Variants in ZNF814 observed in about 807,000 individuals in gnomAD.
The protein encoded by ZNF814 is zinc finger protein 814.
ZNF814 carries 5 observed loss-of-function variants against 7.5 expected under a neutral mutation model. The observed-to-expected ratio is 0.67, with a 90% CI of 0.35 to 1.40. The LOEUF (loss-of-function observed/expected upper bound fraction) is 1.40. ZNF814 is among the 40% of genes most tolerant of loss of function. ZNF814 has a pLI of 0.04. For synonymous variants in ZNF814, 315 were observed against 340.7 expected, an observed-to-expected ratio of 0.92 and a Z score of 0.83; for missense variants, 962 against 1,018.0, an observed-to-expected ratio of 0.94 and a Z score of 0.75.
At chr19:57,890,626 G>A (rs1282364707), upstream of ZNF814, among the ~76,000 whole-genome samples, 1 of 152,084 alleles carries the variant, frequency 6.6e-6, no homozygotes, top group Non-Finnish European at 1.5e-5. Context: ...CATCTGAGTG[G>A]TGCCATCAGA....
rs1025545673 is a variant in ZNF814, at chr19:57,872,215, C to A, written c.*607G>T. ...AATGACATTCAATCTAGGTAGGTGG[C>A]ACTCTCAAAGGGTTACATTGAAAAA... On this transcript the variant is annotated 3_prime_UTR_variant, in exon 3 of 3. Coordinates refer to ENST00000435989, the MANE Select transcript of ZNF814 (RefSeq NM_001144989.2). 6.6e-6 allele frequency among the ~76,000 whole-genome samples: 1 copy of A among 152,224 alleles called. No homozygotes were observed. The highest frequency in any genetic ancestry group is 2.4e-5 in the African/African-American group (1 of 41,454).
Position 57,871,735 on chromosome 19 carries a change from G to A in ZNF814, c.*1087C>T, listed in dbSNP as rs1349749875. On this transcript the variant is annotated 3_prime_UTR_variant, in exon 3 of 3. Coordinates refer to ENST00000435989, the MANE Select transcript of ZNF814 (RefSeq NM_001144989.2). Reference sequence around the variant, plus strand: ...CGTCCATGGCATGACTTATCAGACAGAAAAAAATGACAAAGGAAGAAGTGC... The same window carrying A: ...CGTCCATGGCATGACTTATCAGACAAAAAAAAATGACAAAGGAAGAAGTGC... 2 of 135,604 alleles carry A rather than the reference G, an allele frequency of 1.5e-5. No individual in the cohort carries two copies. The highest frequency in any genetic ancestry group is 5.6e-5 in the African/African-American group (2 of 35,874). 8.4% of individuals were successfully genotyped at this position (135,604 alleles called of 1,614,324 possible). A position where few individuals can be genotyped will look rare whatever the true frequency, so the allele number is the denominator to read the frequency against.
At chr19:57,900,066 T>C in the ZNF814 span, among the ~76,000 whole-genome samples, 1 of 152,000 alleles carries the variant, frequency 6.6e-6, no homozygotes, top group Non-Finnish European at 1.5e-5. Context: ...TATTGCCTTC[T>C]ATTACTCAAA....
Position 57,885,501 on chromosome 19 carries a change from G to T in ZNF814, c.36+3266C>A, listed in dbSNP as rs1483423200. On this transcript the variant is annotated intron_variant, in intron 1 of 2. Coordinates refer to ENST00000435989, the MANE Select transcript of ZNF814 (RefSeq NM_001144989.2). ...AAAAATTAGCCAGCCGCAATGGCAG[G>T]CACATGTAATCCCAGCTACTCCAGA... Among the ~76,000 whole-genome samples, 3 of 150,844 alleles carry T rather than the reference G, an allele frequency of 2.0e-5. No homozygotes were observed. The East Asian group carries it at 5.9e-4, about 30-fold the overall frequency.
the ZNF814 span, among the ~76,000 whole-genome samples, chr19:57,902,001 C>G: frequency 1.3e-5 from 2 of 152,114 alleles, no homozygotes; most frequent in Non-Finnish European, 1.5e-5. Context: ...ATATAAATAT[C>G]CTCCAATATG....
chr19:57,898,032 T>A, the ZNF814 span, among the ~76,000 whole-genome samples: 3 of 152,314 alleles, frequency 2.0e-5, 1 homozygote, highest in South Asian at 6.2e-4. Flanking sequence ...ATTTGTACAG[T>A]AACCATCCAA....
chr19:57,875,296 T>C (rs1313659671), intron 2 of ZNF814, 70 bp from the exon 3 acceptor site: 3 of 1,600,358 alleles, frequency 1.9e-6, no homozygotes, highest in Admixed American at 1.7e-5. Context: ...CCCACAAGTG[T>C]ATCTGAAAAA....
At chr19:57,878,408 G>C (rs935503859) in intron 1 of ZNF814, among the ~76,000 whole-genome samples, 3 of 151,524 alleles carry the variant, frequency 2.0e-5, no homozygotes, top group Non-Finnish European at 4.4e-5. Flanking sequence ...ACTATAACAG[G>C]AACTCTGCCT....
chr19:57,885,089 A>C lies in ZNF814; in HGVS notation c.36+3678T>G, dbSNP rs371336668. 2.0e-5 allele frequency among the ~76,000 whole-genome samples: 3 copies of C among 152,268 alleles called. No homozygotes were observed. In the South Asian group the frequency reaches 6.2e-4, roughly 32 times the overall value. ...GTAATCCCAGCACTTTGGGAGGACGAGGCCGGTGGATCAGGAGGTCAGGAG... is the reference window on the plus strand; with the variant it reads ...GTAATCCCAGCACTTTGGGAGGACGCGGCCGGTGGATCAGGAGGTCAGGAG... On this transcript the variant is annotated intron_variant, in intron 1 of 2. Coordinates refer to ENST00000435989, the MANE Select transcript of ZNF814 (RefSeq NM_001144989.2).
chr19:57,872,418 A>G lies in ZNF814; in HGVS notation c.*404T>C. ...TAAATATCTCACATGTCACACTGGT[A>G]AGGCCCTGATCCAGTGTTAACTCTG... On this transcript the variant is annotated 3_prime_UTR_variant, in exon 3 of 3. Coordinates refer to ENST00000435989, the MANE Select transcript of ZNF814 (RefSeq NM_001144989.2). The G allele has an allele frequency of 3.7e-6, 1 of 270,296 alleles. No homozygotes were observed. 16.7% of individuals were successfully genotyped at this position (270,296 alleles called of 1,614,324 possible).
In ZNF814 at chr19:57,875,941, C is replaced by T. The variant is rs538477029; in HGVS notation, c.164-715G>A. On this transcript the variant is annotated intron_variant, in intron 2 of 2. Coordinates refer to ENST00000435989, the MANE Select transcript of ZNF814 (RefSeq NM_001144989.2). ...GACTCCATGACCTCCTCCAGGGTGC[C>T]GCTTTTTTTTTTTTTTTTTTTTTTT... Among the ~76,000 whole-genome samples the T allele has an allele frequency of 1.2e-3, 134 of 113,930 alleles. 1 individual carries two copies. Among genetic ancestry groups the T allele is most frequent in the Middle Eastern group, 5.4e-3 (1 of 186 alleles). 74.7% of individuals were successfully genotyped at this position (113,930 alleles called of 152,430 possible).
rs753945156 is a variant in ZNF814, at chr19:57,874,895, C to T, written c.495G>A (p.Val165=). ...CACTGAAGACAGATGACTCCCCTGA[C>T]ACATGCAACTTACACCTCTTTGCAA... is the stretch of plus-strand genomic sequence containing the variant. ...ALFAKRCKLH[V]SGESSVFSES... is the part of the protein sequence containing the mutation. Residue 165 remains valine, a synonymous_variant, in exon 3 of 3, where the codon GTG becomes GTA. Coordinates refer to ENST00000435989, the MANE Select transcript of ZNF814 (RefSeq NM_001144989.2). The T allele has an allele frequency of 6.2e-7, 1 of 1,613,950 alleles. No individual in the cohort carries two copies. The highest frequency in any genetic ancestry group is 1.3e-5 in the African/African-American group (1 of 74,938).
Position 57,878,501 on chromosome 19 carries a change from C to G in ZNF814, c.37-1459G>C, listed in dbSNP as rs1199069395. ...TTTGTGATGGAGTCTCACTCTGTCA[C>G]CAGGCTCGAGTGGGGTGGTGCAATC... On this transcript the variant is annotated intron_variant, in intron 1 of 2. Transcript: ENST00000435989. 6.7e-5 allele frequency among the ~76,000 whole-genome samples: 10 copies of G among 149,350 alleles called. No homozygotes were observed. The East Asian group carries it at 2.0e-3, about 29-fold the overall frequency.
chr19:57,888,689 C>G (rs1406901065), intron 1 of ZNF814, 78 bp downstream of exon 1: 1 of 1,527,544 alleles, frequency 6.5e-7, no homozygotes, highest in African/African-American at 1.4e-5. Context: ...GGCTGCAGAG[C>G]CGTGAACAGG....
the ZNF814 span, among the ~76,000 whole-genome samples, chr19:57,903,004 C>T: frequency 1.3e-5 from 2 of 152,010 alleles, no homozygotes; most frequent in Non-Finnish European, 2.9e-5. Flanking sequence ...TACATAAATA[C>T]CCGTTTTATC....
rs1568516575 is a variant in ZNF814 at position 57,873,047 on chromosome 19, GAA to G, written c.2341_2342del (p.Phe781ArgfsTer2). On this transcript the variant is annotated frameshift_variant, in exon 3 of 3. Coordinates refer to ENST00000435989, the MANE Select transcript of ZNF814 (RefSeq NM_001144989.2). LOFTEE classifies it low-confidence loss of function (END_TRUNC). The stretch of plus-strand genomic sequence containing the variant: ...GTTTTGTGAAACTGGAGCTTTCAGC[GAA>G]AGATTTTCCACATTCACTGCACTCA... ...PYECSECGKSFAESSSFTKHK... is the reference protein window; with the variant it reads ...PYECSECGKSXAESSSFTKHK... 1 of 1,609,508 alleles carries G rather than the reference GAA, an allele frequency of 6.2e-7. No individual in the cohort carries two copies. The highest frequency in any genetic ancestry group is 1.7e-5 in the Admixed American group (1 of 59,538).
the ZNF814 span, among the ~76,000 whole-genome samples, chr19:57,901,050 G>GTGTTAGTCAGGA: frequency 1.3e-5 from 2 of 150,962 alleles, no homozygotes; most frequent in African/African-American, 4.9e-5. Context: ...GGGTTTCACC[G>GTGTTAGTCAGGA]TGGTCTTGAT....
chr19:57,878,461 CTTTTTT>C (rs1004059214), intron 1 of ZNF814, among the ~76,000 whole-genome samples: 1 of 138,312 alleles, frequency 7.2e-6, no homozygotes, highest in African/African-American at 2.7e-5. Context: ...GATACATTAC[CTTTTTT>C]TTTTTTTTTT....
At chr19:57,889,121 TTCTACGCTA>T (rs2071718263), upstream of ZNF814, 1 of 435,966 alleles carries the variant, frequency 2.3e-6, no homozygotes, top group Non-Finnish European at 4.1e-6. Flanking sequence ...CTCAGAGGTC[TTCTACGCTA>T]TCATTCGAGG....
Sources: allele counts gnomAD v4.1 joint callset (sites outside exome capture counted in the v4.1 genomes callset), GRCh38; gene constraint gnomAD v4.1.1; transcripts MANE v1.5; gene names NCBI Gene and HGNC (gene_info 2026-07-23, HGNC 2026-07-21).